STK3: variants seen among roughly 807,000 people sequenced by gnomAD.
The protein encoded by STK3 is serine/threonine-protein kinase 3.
Under a neutral mutation model 58.0 loss-of-function variants are expected in STK3, and 41 were observed. The observed-to-expected ratio is 0.71, with a 90% CI of 0.55 to 0.92. STK3 has a LOEUF of 0.92. Among genes scored for constraint, STK3 ranks in the 40% least tolerant of loss-of-function variants. The pLI is 0.00. For missense variants in STK3, 479 were observed against 602.7 expected (o/e 0.79, Z 2.15); for synonymous variants, 170 against 191.0 (o/e 0.89, Z 0.91).
At chr8:98,717,290 A>C (rs1439522536) in intron 4 of STK3, among the ~76,000 whole-genome samples, 1 of 152,186 alleles carries the variant, frequency 6.6e-6, no homozygotes. Context: ...CTGATAAGAC[A>C]TTAATATACA....
At chr8:98,470,344 G>A (rs1820824521) in intron 10 of STK3, among the ~76,000 whole-genome samples, 1 of 152,154 alleles carries the variant, frequency 6.6e-6, no homozygotes, top group Admixed American at 6.5e-5. Flanking sequence ...GCATGATCTT[G>A]TGACTCTGTC....
chr8:98,791,106 A>G (rs187101400), intron 1 of STK3, among the ~76,000 whole-genome samples: 1 of 152,328 alleles, frequency 6.6e-6, no homozygotes, highest in African/African-American at 2.4e-5. Context: ...AGAACTGATA[A>G]AAGAATTCAG....
intron 6 of STK3, among the ~76,000 whole-genome samples, chr8:98,659,697 A>T (rs1821820077): frequency 6.6e-6 from 1 of 151,994 alleles, no homozygotes; most frequent in South Asian, 2.1e-4. Context: ...AAGTTTTCTT[A>T]AAAACACTTC....
intron 6 of STK3, among the ~76,000 whole-genome samples, chr8:98,653,998 C>T (rs1009329599): frequency 2.5e-4 from 38 of 152,276 alleles, no homozygotes; most frequent in Admixed American, 1.7e-3. Flanking sequence ...CCAGCATCAT[C>T]CTGATACCAA....
intron 1 of STK3, among the ~76,000 whole-genome samples, chr8:98,923,952 TC>T (rs547763303): frequency 1.0e-3 from 154 of 151,912 alleles, no homozygotes; most frequent in African/African-American, 3.4e-3. Flanking sequence ...TTTATTTTTT[TC>T]CCCCTGTGGA....
chr8:98,720,636 G>A (rs773010994), intron 4 of STK3, among the ~76,000 whole-genome samples: 2 of 151,610 alleles, frequency 1.3e-5, no homozygotes, highest in Non-Finnish European at 2.9e-5. Context: ...CAGTAGTCCC[G>A]GCTGCTCGGG....
At chr8:98,650,794 C>T (rs941575577) in intron 6 of STK3, among the ~76,000 whole-genome samples, 1 of 152,224 alleles carries the variant, frequency 6.6e-6, no homozygotes, top group Non-Finnish European at 1.5e-5. Flanking sequence ...GGGAGGGGCG[C>T]CTGCCATTGC....
At chr8:98,414,436 C>G (rs1818091300) in intron 3 of STK3, among the ~76,000 whole-genome samples, 1 of 152,104 alleles carries the variant, frequency 6.6e-6, no homozygotes, top group Non-Finnish European at 1.5e-5. Flanking sequence ...CTCTGTGAGT[C>G]AGGTCATGAT....
chr8:98,855,894 C>T (rs928262277), intron 3 of STK3, among the ~76,000 whole-genome samples: 6 of 152,008 alleles, frequency 3.9e-5, no homozygotes, highest in Non-Finnish European at 7.4e-5. Context: ...TGGTGGTTCA[C>T]GCCTGTAATC....
At chr8:98,687,508 C>A (rs1824090425) in intron 6 of STK3, among the ~76,000 whole-genome samples, 1 of 152,146 alleles carries the variant, frequency 6.6e-6, no homozygotes, top group Non-Finnish European at 1.5e-5. Flanking sequence ...AGTTCATGGA[C>A]CGGTACCAGT....
intron 6 of STK3, among the ~76,000 whole-genome samples, chr8:98,692,683 A>G (rs1441982109): frequency 1.3e-5 from 2 of 152,180 alleles, no homozygotes; most frequent in Non-Finnish European, 2.9e-5. Flanking sequence ...TATGGCAATG[A>G]ATTGTATAGA....
chr8:98,863,416 T>C (rs1439968650), intron 3 of STK3, among the ~76,000 whole-genome samples: 1 of 152,192 alleles, frequency 6.6e-6, no homozygotes, highest in African/African-American at 2.4e-5. Flanking sequence ...AACCTTCATG[T>C]ACCTCAGTTT....
chr8:98,585,198 A>T (rs1448015656), intron 7 of STK3, among the ~76,000 whole-genome samples: 4 of 151,824 alleles, frequency 2.6e-5, no homozygotes, highest in African/African-American at 9.7e-5. Context: ...GGTAATGCCT[A>T]GGTTTTCTTC....
chr8:98,843,703 T>C (rs1836083796), intron 3 of STK3, among the ~76,000 whole-genome samples: 1 of 152,180 alleles, frequency 6.6e-6, no homozygotes, highest in Non-Finnish European at 1.5e-5. Context: ...AACTGGCTTA[T>C]CTGAATAAAT....
At chr8:98,459,842 A>T (rs1006171486) in intron 10 of STK3, among the ~76,000 whole-genome samples, 2 of 152,196 alleles carry the variant, frequency 1.3e-5, no homozygotes, top group Non-Finnish European at 2.9e-5. Context: ...ACCTCTACCT[A>T]GACTTCAGAG....
At chr8:98,691,931 C>CAA (rs34109446) in intron 6 of STK3, among the ~76,000 whole-genome samples, 52 of 104,516 alleles carry the variant, frequency 5.0e-4, no homozygotes, top group Admixed American at 3.5e-3. Flanking sequence ...AACTCCGCCT[C>CAA]AAAAAAAAAA....
intron 6 of STK3, among the ~76,000 whole-genome samples, chr8:98,608,994 A>G (rs1278074768): frequency 6.6e-6 from 1 of 152,234 alleles, no homozygotes; most frequent in Non-Finnish European, 1.5e-5. Flanking sequence ...AGACAGTTCT[A>G]TATTTATTAC....
At chr8:98,867,219 C>A (rs1564071288) in intron 3 of STK3, among the ~76,000 whole-genome samples, 1 of 152,100 alleles carries the variant, frequency 6.6e-6, no homozygotes, top group Non-Finnish European at 1.5e-5. Context: ...AGTTGGAGAC[C>A]AGCCTGGGCA....
At chr8:98,914,967 T>G (rs1167079037) in intron 1 of STK3, among the ~76,000 whole-genome samples, 1 of 152,226 alleles carries the variant, frequency 6.6e-6, no homozygotes, top group Non-Finnish European at 1.5e-5. Flanking sequence ...TGCTACTTAC[T>G]GTGCAACTTT....
Sources: allele counts gnomAD v4.1 joint callset (sites outside exome capture counted in the v4.1 genomes callset), GRCh38; gene constraint gnomAD v4.1.1; transcripts MANE v1.5; gene names NCBI Gene and HGNC (gene_info 2026-07-23, HGNC 2026-07-21).